Variants in CHCHD6 observed in about 807,000 individuals in gnomAD.
CHCHD6 encodes coiled-coil-helix-coiled-coil-helix domain containing 6, also known as MICOS complex subunit MIC25.
CHCHD6 carries 28 observed loss-of-function variants against 32.3 expected under a neutral mutation model. That is an observed-to-expected ratio of 0.87 (90% CI 0.64 to 1.19). CHCHD6 has a LOEUF of 1.19. Ranked by LOEUF, CHCHD6 falls within the 50% of genes most tolerant of loss-of-function variation. The pLI is 0.00. For missense variants in CHCHD6, 333 were observed against 307.0 expected (o/e 1.08, Z -0.63); for synonymous variants, 122 against 117.5 (o/e 1.04, Z -0.25).
chr3:126,920,854 TAAC>T (rs1323150969), intron 6 of CHCHD6, among the ~76,000 whole-genome samples: 1 of 152,228 alleles, frequency 6.6e-6, no homozygotes. Context: ...GTGGGTCTAA[TAAC>T]AAATACTCAC....
At chr3:126,834,053 C>CA (rs55790919) in intron 4 of CHCHD6, among the ~76,000 whole-genome samples, 5,033 of 43,756 alleles carry the variant, frequency 0.12, 789 homozygotes, top group African/African-American at 0.24. Flanking sequence ...GACTCCGTCT[C>CA]AAAAAAAAAA....
intron 6 of CHCHD6, among the ~76,000 whole-genome samples, chr3:126,929,967 C>A (rs1342734105): frequency 1.3e-5 from 2 of 152,208 alleles, no homozygotes; most frequent in Non-Finnish European, 2.9e-5. Flanking sequence ...TTAAAGCTGA[C>A]CTCATCCATC....
intron 4 of CHCHD6, among the ~76,000 whole-genome samples, chr3:126,831,028 CTT>C (rs543053558): frequency 4.8e-5 from 7 of 145,820 alleles, no homozygotes; most frequent in Admixed American, 6.8e-5. Flanking sequence ...TGCCAGTCTT[CTT>C]TTTTTTTTTT....
intron 5 of CHCHD6, among the ~76,000 whole-genome samples, chr3:126,910,273 G>GAAAAAAAAAAAAAAAAAAAAAAAAAAAAA (rs547565601): frequency 9.0e-6 from 1 of 111,454 alleles, no homozygotes; most frequent in Non-Finnish European, 1.8e-5. Flanking sequence ...CCTGCCTCAG[G>GAAAAAAAAAAAAAAAAAAAAAAAAAAAAA]AAAAAAAAAA....
At chr3:126,855,900 G>A (rs1442735659) in intron 5 of CHCHD6, among the ~76,000 whole-genome samples, 24 of 152,226 alleles carry the variant, frequency 1.6e-4, no homozygotes, top group Admixed American at 1.6e-3. Flanking sequence ...ATGGACAGGA[G>A]AACCGCAAGG....
At chr3:126,892,729 G>A (rs1184508952) in intron 5 of CHCHD6, among the ~76,000 whole-genome samples, 2 of 152,168 alleles carry the variant, frequency 1.3e-5, no homozygotes, top group Non-Finnish European at 2.9e-5. Context: ...CTGAGGAACT[G>A]GCATACTCTG....
At chr3:126,850,375 C>A (rs948266621) in intron 4 of CHCHD6, among the ~76,000 whole-genome samples, 1 of 152,368 alleles carries the variant, frequency 6.6e-6, no homozygotes, top group Admixed American at 6.5e-5. Flanking sequence ...ATGTCCTCAA[C>A]GTTTCTTCCT....
At chr3:126,889,573 C>T (rs2077727175) in intron 5 of CHCHD6, among the ~76,000 whole-genome samples, 1 of 152,200 alleles carries the variant, frequency 6.6e-6, no homozygotes, top group Non-Finnish European at 1.5e-5. Context: ...AGACTGTGCC[C>T]ATCACACTTG....
intron 4 of CHCHD6, among the ~76,000 whole-genome samples, chr3:126,803,858 A>G (rs550126962): frequency 1.6e-4 from 24 of 152,324 alleles, no homozygotes; most frequent in African/African-American, 5.8e-4. Flanking sequence ...ATTATAACAA[A>G]CTGTCTCTCA....
intron 5 of CHCHD6, among the ~76,000 whole-genome samples, chr3:126,875,648 C>A (rs2077530642): frequency 6.6e-6 from 1 of 152,154 alleles, no homozygotes; most frequent in African/African-American, 2.4e-5. Flanking sequence ...TTTAAATAAA[C>A]CAGGCAGTTT....
rs1935886780 is a variant in CHCHD6 at position 126,733,156 on chromosome 3, C to T, written c.345C>T (p.His115=). 1 of 1,614,100 alleles carries T rather than the reference C, an allele frequency of 6.2e-7. No homozygotes were observed. The highest frequency in any genetic ancestry group is 1.3e-5 in the African/African-American group (1 of 74,940). Residue 115 remains histidine, a synonymous_variant, in exon 4 of 8, where the codon CAC becomes CAT. Transcript: ENST00000290913. ...AKREREAATK[H]SKASLPTGEG... Reference sequence around the variant, plus strand: ...GGGAAAGAGAGGCTGCCACCAAGCACTCCAAGGCATCCCTGCCCACGGGCG... The same window carrying T: ...GGGAAAGAGAGGCTGCCACCAAGCATTCCAAGGCATCCCTGCCCACGGGCG...
chr3:126,947,359 A>C (rs901541117), intron 6 of CHCHD6, among the ~76,000 whole-genome samples: 1 of 152,188 alleles, frequency 6.6e-6, no homozygotes, highest in African/African-American at 2.4e-5. Flanking sequence ...GGGAGTTGGC[A>C]AGCTTCTGCC....
At chr3:126,787,522 C>T (rs1392339481) in intron 4 of CHCHD6, among the ~76,000 whole-genome samples, 1 of 152,120 alleles carries the variant, frequency 6.6e-6, no homozygotes, top group Non-Finnish European at 1.5e-5. Context: ...TTGTAGTTCT[C>T]CTTGAAGAGG....
intron 5 of CHCHD6, among the ~76,000 whole-genome samples, chr3:126,911,974 G>A (rs1229104082): frequency 6.6e-6 from 1 of 152,214 alleles, no homozygotes; most frequent in African/African-American, 2.4e-5. Context: ...GGGAAAGGAA[G>A]TAGGCCAGGA....
chr3:126,905,645 C>T (rs947920352), intron 5 of CHCHD6, among the ~76,000 whole-genome samples: 10 of 151,760 alleles, frequency 6.6e-5, no homozygotes, highest in South Asian at 2.1e-4. Context: ...GATGGAGCAG[C>T]GGGGTGGCCA....
At chr3:126,931,477 T>C (rs1349486191) in intron 6 of CHCHD6, among the ~76,000 whole-genome samples, 4 of 152,186 alleles carry the variant, frequency 2.6e-5, no homozygotes, top group South Asian at 2.1e-4. Context: ...CTCCCTGTTA[T>C]GGCCCTGTTT....
intron 4 of CHCHD6, among the ~76,000 whole-genome samples, chr3:126,781,361 G>A (rs1937932319): frequency 6.6e-6 from 1 of 152,196 alleles, no homozygotes; most frequent in Admixed American, 6.5e-5. Context: ...CTCTAATTTG[G>A]CCTGAGGCAG....
At chr3:126,810,989 A>C (rs907551929) in intron 4 of CHCHD6, among the ~76,000 whole-genome samples, 7 of 152,208 alleles carry the variant, frequency 4.6e-5, no homozygotes, top group Admixed American at 4.6e-4. Flanking sequence ...GCACCAGCCC[A>C]TGGATAATTG....
At chr3:126,891,294 G>A (rs930648156) in intron 5 of CHCHD6, among the ~76,000 whole-genome samples, 1 of 152,168 alleles carries the variant, frequency 6.6e-6, no homozygotes, top group Non-Finnish European at 1.5e-5. Context: ...TCATGGAAGC[G>A]ACTGAGGAGT....
Sources: gnomAD v4.1 joint callset for allele counts (sites outside exome capture counted in the v4.1 genomes callset) on GRCh38, gnomAD v4.1.1 for gene constraint, MANE v1.5 for transcripts, NCBI Gene and HGNC (gene_info 2026-07-23, HGNC 2026-07-21) for gene names.